Variants in FARS2 observed in about 807,000 individuals in gnomAD.
The protein encoded by FARS2 is phenylalanine--tRNA ligase, mitochondrial.
FARS2 carries 40 observed loss-of-function variants against 46.4 expected under a neutral mutation model. The observed-to-expected ratio is 0.86, with a 90% confidence interval of 0.67 to 1.12. The LOEUF is 1.12. Ranked by LOEUF, FARS2 falls within the 50% of genes most tolerant of loss-of-function variation. FARS2 has a pLI of 0.00. For missense variants in FARS2, 513 were observed against 567.9 expected (o/e 0.90, Z 0.98); for synonymous variants, 234 against 214.9 (o/e 1.09, Z -0.78).
intron 2 of FARS2, among the ~76,000 whole-genome samples, chr6:5,404,205 G>C (rs568976520): frequency 5.9e-5 from 9 of 152,168 alleles, no homozygotes; most frequent in Non-Finnish European, 1.3e-4. Flanking sequence ...TGTAATTTTA[G>C]AATATGAAAG....
intron 4 of FARS2, among the ~76,000 whole-genome samples, chr6:5,469,819 AT>A (rs1227844325): frequency 1.3e-5 from 2 of 152,220 alleles, no homozygotes; most frequent in East Asian, 3.8e-4. Context: ...GTTTTTCAAT[AT>A]AGTTTAATGG....
At chr6:5,341,225 ATATATATATATTTTTTTTTTTTTT>A (rs1771601508) in intron 1 of FARS2, among the ~76,000 whole-genome samples, 7 of 4,878 alleles carry the variant, frequency 1.4e-3, no homozygotes, top group African/African-American at 5.6e-3. Context: ...ATATATATAT[ATATATATATATTTTTTTTTTTTTT>A]TTTTTTTTCC....
chr6:5,770,443 G>C (rs1050068042), intron 6 of FARS2, among the ~76,000 whole-genome samples: 1 of 152,164 alleles, frequency 6.6e-6, no homozygotes, highest in Non-Finnish European at 1.5e-5. Context: ...GGTTGGAAAA[G>C]AGGAATTTGT....
At chr6:5,566,880 G>A (rs1478641785) in intron 5 of FARS2, among the ~76,000 whole-genome samples, 1 of 152,228 alleles carries the variant, frequency 6.6e-6, no homozygotes, top group Non-Finnish European at 1.5e-5. Context: ...AACCGTGAGT[G>A]TACAAGGTAT....
At chr6:5,752,332 A>G (rs1761994855) in intron 6 of FARS2, among the ~76,000 whole-genome samples, 1 of 152,208 alleles carries the variant, frequency 6.6e-6, no homozygotes, top group South Asian at 2.1e-4. Flanking sequence ...CTAATCCACA[A>G]TGTGTCTTTG....
At chr6:5,281,390 T>C (rs185033490) in intron 1 of FARS2, among the ~76,000 whole-genome samples, 28 of 152,344 alleles carry the variant, frequency 1.8e-4, no homozygotes, top group African/African-American at 6.5e-4. Context: ...CCTGTAGTTG[T>C]TTTGTTTTTA....
chr6:5,597,489 G>A lies in FARS2; in HGVS notation c.1066-15680G>A, dbSNP rs140329953. ...CATTGCAGGCAAGACACAGAGCGGC[G>A]CCTGATGTTCTTTTCTCTGGTCTGA... On this transcript the variant is annotated intron_variant, in intron 5 of 6. Coordinates refer to ENST00000274680, the MANE Select transcript of FARS2 (RefSeq NM_006567.5). Among the ~76,000 whole-genome samples the A allele has an allele frequency of 3.9e-3, 590 of 152,264 alleles. 2 individuals are homozygous for A. The highest frequency in any genetic ancestry group is 5.1e-3 in the Non-Finnish European group (349 of 68,032).
intron 4 of FARS2, among the ~76,000 whole-genome samples, chr6:5,523,683 A>G (rs557884926): frequency 6.6e-6 from 1 of 152,218 alleles, no homozygotes; most frequent in African/African-American, 2.4e-5. Context: ...TCTAGGCTAC[A>G]GCAAACTCAC....
intron 6 of FARS2, among the ~76,000 whole-genome samples, chr6:5,638,426 G>A (rs769362411): frequency 6.6e-6 from 1 of 152,210 alleles, no homozygotes; most frequent in African/African-American, 2.4e-5. Flanking sequence ...TTAGCCGGAT[G>A]TGGTGGCACG....
At chr6:5,615,559 T>C (rs1441244536) in intron 6 of FARS2, among the ~76,000 whole-genome samples, 1 of 152,266 alleles carries the variant, frequency 6.6e-6, no homozygotes, top group Non-Finnish European at 1.5e-5. Flanking sequence ...GTAAAATATT[T>C]AGCCAGAAAT....
At chr6:5,307,407 G>A (rs1032203869) in intron 1 of FARS2, among the ~76,000 whole-genome samples, 1 of 151,988 alleles carries the variant, frequency 6.6e-6, no homozygotes, top group African/African-American at 2.4e-5. Flanking sequence ...TAGTTCTTTG[G>A]GATATTTTTT....
intron 4 of FARS2, chr6:5,457,109 C>T (rs534452393): frequency 2.2e-4 from 34 of 152,540 alleles, no homozygotes; most frequent in Non-Finnish European, 4.1e-4. Context: ...CTACATATGT[C>T]CACGTCAGTG....
At chr6:5,439,473 A>G (rs1763721390) in intron 4 of FARS2, among the ~76,000 whole-genome samples, 3 of 152,128 alleles carry the variant, frequency 2.0e-5, no homozygotes, top group Non-Finnish European at 4.4e-5. Flanking sequence ...CAGGAACTTC[A>G]CCCTGTGTGG....
chr6:5,438,623 A>G (rs1763671283), intron 4 of FARS2, among the ~76,000 whole-genome samples: 1 of 152,072 alleles, frequency 6.6e-6, no homozygotes, highest in Non-Finnish European at 1.5e-5. Context: ...CATAGAGCAA[A>G]GTGACAGTGG....
At chr6:5,448,244 A>G (rs1764286756) in intron 4 of FARS2, among the ~76,000 whole-genome samples, 1 of 152,152 alleles carries the variant, frequency 6.6e-6, no homozygotes, top group African/African-American at 2.4e-5. Context: ...TGGGAAGGGA[A>G]GGCGATGAGA....
intron 6 of FARS2, among the ~76,000 whole-genome samples, chr6:5,701,871 GCTTTTCATTACT>G (rs1313284260): frequency 6.6e-6 from 1 of 152,176 alleles, no homozygotes; most frequent in Non-Finnish European, 1.5e-5. Flanking sequence ...GAGTCGTGAT[GCTTTTCATTACT>G]CATTTTTATT....
intron 6 of FARS2, among the ~76,000 whole-genome samples, chr6:5,709,724 G>T (rs918418022): frequency 8.0e-5 from 8 of 100,304 alleles, no homozygotes; most frequent in African/African-American, 3.2e-4. Flanking sequence ...GTTGGGGGGG[G>T]TGGGGTTGTG....
chr6:5,696,396 AT>A lies in FARS2; in HGVS notation c.1218-74887del, dbSNP rs935318574. Among the ~76,000 whole-genome samples the A allele has an allele frequency of 4.6e-5, 7 of 152,116 alleles. No homozygotes were observed. The South Asian group carries it at 6.2e-4, about 14-fold the overall frequency. On this transcript the variant is annotated intron_variant, in intron 6 of 6. Transcript: ENST00000274680. The stretch of plus-strand genomic sequence containing the variant: ...TCTCATTAAGTATCACCCAGCTAAG[AT>A]TTTTTTTATAGGGCATGGCACATAT...
Position 5,431,104 on chromosome 6 carries a change from T to C in FARS2, c.836T>C (p.Ile279Thr). The C allele has an allele frequency of 6.2e-7, 1 of 1,613,958 alleles. No individual in the cohort carries two copies. The highest frequency in any genetic ancestry group is 8.5e-7 in the Non-Finnish European group (1 of 1,179,864). The change falls in exon 4 of 7, where the codon ATC becomes ACC. Residue 279 changes from isoleucine (I) to threonine (T), a missense_variant. Ile to Thr is a moderately conservative substitution (Grantham distance 89). Coordinates refer to ENST00000274680, the MANE Select transcript of FARS2 (RefSeq NM_006567.5). Reference sequence around the variant, plus strand: ...ACACATCCTTCCTTTGAGATGGAGATCAACTTTCATGGAGAATGGCTGGAA... The same window carrying C: ...ACACATCCTTCCTTTGAGATGGAGACCAACTTTCATGGAGAATGGCTGGAA... ...PFTHPSFEME[I>T]NFHGEWLEVL...
Sources: allele counts gnomAD v4.1 joint callset (sites outside exome capture counted in the v4.1 genomes callset), GRCh38; gene constraint gnomAD v4.1.1; transcripts MANE v1.5; gene names NCBI Gene and HGNC (gene_info 2026-07-23, HGNC 2026-07-21).